The following ST8SIA5 variants were observed in gnomAD, a reference collection of about 807,000 sequenced individuals.
ST8SIA5 encodes the protein ST8 alpha-N-acetyl-neuraminide alpha-2,8-sialyltransferase 5, also known as alpha-2,8-sialyltransferase 8E.
In ST8SIA5, 24 loss-of-function variants were observed where a neutral mutation model predicts 40.2. That is an observed-to-expected ratio of 0.60 (90% CI 0.43 to 0.84). ST8SIA5 has a LOEUF of 0.84. Among genes scored for constraint, ST8SIA5 ranks in the 40% least tolerant of loss-of-function variants. ST8SIA5 has a pLI of 0.00. For missense variants in ST8SIA5, 465 were observed against 498.5 expected (o/e 0.93, Z 0.64); for synonymous variants, 198 against 201.8 (o/e 0.98, Z 0.16).
intron 2 of ST8SIA5, among the ~76,000 whole-genome samples, chr18:46,693,828 T>C (rs1207832813): frequency 6.6e-6 from 1 of 152,210 alleles, no homozygotes; most frequent in African/African-American, 2.4e-5. Flanking sequence ...CAGCAGTGCC[T>C]AAGCTCAGAG....
chr18:46,699,373 TC>T, intron 2 of ST8SIA5, among the ~76,000 whole-genome samples: 1 of 151,958 alleles, frequency 6.6e-6, no homozygotes, highest in Non-Finnish European at 1.5e-5. Context: ...CTCTTCTTTC[TC>T]CCTCTTTTTT....
intron 1 of ST8SIA5, among the ~76,000 whole-genome samples, chr18:46,715,291 C>T (rs1385426005): frequency 6.6e-6 from 1 of 152,206 alleles, no homozygotes. Context: ...TCAGCCTGGA[C>T]GATGGCATTC....
At chr18:46,716,758 T>C (rs1325011746) in intron 1 of ST8SIA5, among the ~76,000 whole-genome samples, 2 of 152,260 alleles carry the variant, frequency 1.3e-5, no homozygotes, top group Non-Finnish European at 2.9e-5. Flanking sequence ...AGAAGGATTA[T>C]GTGCACTCGC....
intron 1 of ST8SIA5, among the ~76,000 whole-genome samples, chr18:46,710,929 T>C (rs1028353148): frequency 2.0e-5 from 3 of 152,298 alleles, no homozygotes; most frequent in South Asian, 4.2e-4. Context: ...CTCCAGAGAA[T>C]AGAAGCCCAG....
intron 1 of ST8SIA5, among the ~76,000 whole-genome samples, chr18:46,719,611 C>T (rs2144524849): frequency 6.6e-6 from 1 of 152,108 alleles, no homozygotes; most frequent in South Asian, 2.1e-4. Context: ...TGCCAAGAAA[C>T]AGCTTCCCAG....
chr18:46,711,060 G>A lies in ST8SIA5; in HGVS notation c.132-6396C>T, dbSNP rs1292524673. 4.6e-5 allele frequency among the ~76,000 whole-genome samples: 7 copies of A among 152,250 alleles called. No homozygotes were observed. In the South Asian group the frequency reaches 6.2e-4, roughly 14 times the overall value. The stretch of plus-strand genomic sequence containing the variant: ...TGGTGCAGAGTCTCAGAGAACCATG[G>A]AGTTGTTTATTTATTCCACACTGGT... On this transcript the variant is annotated intron_variant, in intron 1 of 6. Coordinates refer to ENST00000315087, the MANE Select transcript of ST8SIA5 (RefSeq NM_013305.6).
At chr18:46,702,753 T>C (rs1216847608) in intron 2 of ST8SIA5, among the ~76,000 whole-genome samples, 1 of 152,200 alleles carries the variant, frequency 6.6e-6, no homozygotes, top group African/African-American at 2.4e-5. Context: ...CTCCTTAGGG[T>C]AACTAGCTAT....
chr18:46,756,299 C>T, intron 1 of ST8SIA5, 79 bp downstream of exon 1: 6 of 1,576,082 alleles, frequency 3.8e-6, no homozygotes, highest in South Asian at 1.2e-5. Flanking sequence ...GCGCTGCGAC[C>T]GAAGCTGCCG....
Position 46,672,869 on chromosome 18 carries a change from T to C in ST8SIA5, c.*7173A>G, listed in dbSNP as rs1233165398. The stretch of plus-strand genomic sequence containing the variant: ...CAAAAACAAAAATCAGATTTCTGCT[T>C]TAGGGACACCCAAAACAGTTAATGT... On this transcript the variant is annotated 3_prime_UTR_variant, in exon 7 of 7. Coordinates refer to ENST00000315087, the MANE Select transcript of ST8SIA5 (RefSeq NM_013305.6). 1 of 152,332 alleles carries C rather than the reference T, an allele frequency of 6.6e-6. No individual in the cohort carries two copies. Among genetic ancestry groups the C allele is most frequent in the East Asian group, 1.9e-4 (1 of 5,188 alleles). The allele number at this position is 152,332 out of a possible 1,614,324, so 9.4% of individuals were successfully genotyped here. A position where few individuals can be genotyped will look rare whatever the true frequency, so the allele number is the denominator to read the frequency against.
intron 1 of ST8SIA5, among the ~76,000 whole-genome samples, chr18:46,709,061 C>T (rs1402637834): frequency 2.0e-5 from 3 of 152,096 alleles, no homozygotes; most frequent in East Asian, 1.9e-4. Context: ...TTTTTTGGTC[C>T]GTACTGCTCT....
At position 46,719,820 on chromosome 18, in the gene ST8SIA5, C is replaced by CTCTTTCTTTCTT. The variant is rs71162819; in HGVS notation, c.132-15168_132-15157dup. Among the ~76,000 whole-genome samples the CTCTTTCTTTCTT allele has an allele frequency of 1.6e-4, 22 of 137,958 alleles. 3 individuals carry two copies. The highest frequency in any genetic ancestry group is 4.7e-4 in the African/African-American group (17 of 36,354). The allele number at this position is 137,958 out of a possible 152,430, so 90.5% of individuals were successfully genotyped here. Reference sequence around the variant, plus strand: ...TCTCTCTCTCTTCTTTCCTTCCTTTCTCTTTCTTTCTTTCTTTCTCTCTCT... The same window carrying CTCTTTCTTTCTT: ...TCTCTCTCTCTTCTTTCCTTCCTTTCTCTTTCTTTCTTTCTTTCTTTCTTTCTTTCTCTCTCT... On this transcript the variant is annotated intron_variant, in intron 1 of 6. Coordinates refer to ENST00000315087, the MANE Select transcript of ST8SIA5 (RefSeq NM_013305.6).
At chr18:46,698,777 A>G (rs1034787700) in intron 2 of ST8SIA5, among the ~76,000 whole-genome samples, 4 of 152,218 alleles carry the variant, frequency 2.6e-5, no homozygotes, top group Admixed American at 1.3e-4. Flanking sequence ...CAACAGCCAC[A>G]TGACCCAGCA....
intron 3 of ST8SIA5, 143 bp downstream of exon 3, chr18:46,692,026 G>T: frequency 1.3e-6 from 1 of 785,854 alleles, no homozygotes; most frequent in African/African-American, 1.7e-5. Flanking sequence ...CTCCCCCACT[G>T]CCCGGATTCC....
At chr18:46,713,551 C>T (rs2039755071) in intron 1 of ST8SIA5, among the ~76,000 whole-genome samples, 1 of 152,090 alleles carries the variant, frequency 6.6e-6, no homozygotes, top group African/African-American at 2.4e-5. Flanking sequence ...GAAAGAGGGC[C>T]AAGGACAGGC....
At position 46,692,120 on chromosome 18, in the gene ST8SIA5, G is replaced by A. The variant is rs773168535; in HGVS notation, c.311+49C>T. On this transcript the variant is annotated intron_variant, in intron 3 of 6. Transcript: ENST00000315087. ...ACAATGGAGACCAGAAGAGGTGGCA[G>A]TGAGGAGAATCATACAAGGAGAAGG... The A allele has an allele frequency of 2.0e-5, 32 of 1,585,332 alleles. No homozygotes were observed. In the East Asian group the frequency reaches 5.6e-4, roughly 28 times the overall value.
At chr18:46,710,207 T>G (rs915276007) in intron 1 of ST8SIA5, among the ~76,000 whole-genome samples, 7 of 152,140 alleles carry the variant, frequency 4.6e-5, no homozygotes, top group Non-Finnish European at 1.0e-4. Context: ...CCCATCTCTC[T>G]GCCCTCCACT....
At position 46,682,051 on chromosome 18, in the gene ST8SIA5, G is replaced by T; in HGVS notation, c.583C>A (p.Pro195Thr). 6.2e-7 allele frequency: 1 copy of T among 1,608,332 alleles called. No homozygotes were observed. Among genetic ancestry groups the T allele is most frequent in the Non-Finnish European group, 8.5e-7 (1 of 1,177,882 alleles). The change falls in exon 6 of 7, where the codon CCC becomes ACC. Residue 195 changes from proline (P) to threonine (T), a missense_variant. Coordinates refer to ENST00000315087, the MANE Select transcript of ST8SIA5 (RefSeq NM_013305.6). Reference protein sequence around the residue: ...ADFVFRCNLPPISEKYTMDVG... With the variant: ...ADFVFRCNLPTISEKYTMDVG... ...TCCATGGTGTACTTCTCTGAGATGG[G>T]GGGCAGGTTGCACCTGCAGAAGAGA...
At chr18:46,724,989 GAGGA>G (rs60444300) in intron 1 of ST8SIA5, among the ~76,000 whole-genome samples, 18,384 of 99,326 alleles carry the variant, frequency 0.19, 1,769 homozygotes, top group Middle Eastern at 0.27. Flanking sequence ...GAAAGAGAGA[GAGGA>G]AGGAAGGAAG....
rs2040250680 is a variant in ST8SIA5 at position 46,756,565 on chromosome 18, G to A, written c.-57C>T. On this transcript the variant is annotated 5_prime_UTR_variant, in exon 1 of 7. Transcript: ENST00000315087. Reference sequence around the variant, plus strand: ...CGGGGCGGCCAGGCAATGACTCGCGGGGTTCCGGGGCCCCGGGGGGCGCGC... The same window carrying A: ...CGGGGCGGCCAGGCAATGACTCGCGAGGTTCCGGGGCCCCGGGGGGCGCGC... 1 of 1,581,604 alleles carries A rather than the reference G, an allele frequency of 6.3e-7. No individual in the cohort carries two copies. The highest frequency in any genetic ancestry group is 1.7e-4 in the Middle Eastern group (1 of 5,814).
Sources: allele counts gnomAD v4.1 joint callset (sites outside exome capture counted in the v4.1 genomes callset), GRCh38; gene constraint gnomAD v4.1.1; transcripts MANE v1.5; gene names NCBI Gene and HGNC (gene_info 2026-07-23, HGNC 2026-07-21).